TTLL7: variants seen among roughly 807,000 people sequenced by gnomAD.
The protein encoded by TTLL7 is tubulin tyrosine ligase like 7, also known as tubulin polyglutamylase TTLL7.
A neutral mutation model predicts 120.2 loss-of-function variants in TTLL7; 53 were observed. The ratio of observed to expected loss-of-function variants is 0.44; its 90% CI spans 0.35 to 0.55. TTLL7 has a LOEUF of 0.55. Ranked by LOEUF, TTLL7 falls within the 20% of genes least tolerant of loss-of-function variation. The pLI is 0.00. For missense variants in TTLL7, 803 were observed against 1,054.7 expected (o/e 0.76, Z 3.31); for synonymous variants, 353 against 351.7 (o/e 1.00, Z -0.04).
intron 9 of TTLL7, among the ~76,000 whole-genome samples, chr1:83,932,444 C>T (rs959215686): frequency 6.6e-6 from 1 of 152,100 alleles, no homozygotes; most frequent in Non-Finnish European, 1.5e-5. Context: ...AACTTCCTCA[C>T]ATTTATCTTA....
At chr1:83,879,523 G>T (rs897680460) in intron 20 of TTLL7, among the ~76,000 whole-genome samples, 3 of 151,960 alleles carry the variant, frequency 2.0e-5, no homozygotes, top group African/African-American at 7.2e-5. Flanking sequence ...GACATGGAAG[G>T]TTTGTGTTGA....
chr1:83,949,770 T>C (rs993502132), intron 4 of TTLL7, 95 bp downstream of exon 4: 7 of 1,404,818 alleles, frequency 5.0e-6, no homozygotes, highest in African/African-American at 4.3e-5. Flanking sequence ...AGCTGAAATG[T>C]AATAAGGCAA....
chr1:83,989,290 G>C (rs1652765670), intron 1 of TTLL7, among the ~76,000 whole-genome samples: 1 of 152,006 alleles, frequency 6.6e-6, no homozygotes, highest in Admixed American at 6.6e-5. Flanking sequence ...TTTTCTTATA[G>C]GATTTTTATA....
intron 3 of TTLL7, among the ~76,000 whole-genome samples, chr1:83,950,187 G>A (rs1267417292): frequency 6.6e-6 from 1 of 152,032 alleles, no homozygotes; most frequent in African/African-American, 2.4e-5. Flanking sequence ...TTTTTCGGTT[G>A]CACCCAAAAA....
At chr1:83,908,896 A>G (rs1281440118) in intron 15 of TTLL7, among the ~76,000 whole-genome samples, 2 of 152,060 alleles carry the variant, frequency 1.3e-5, no homozygotes, top group African/African-American at 2.4e-5. Flanking sequence ...GGAGAGTACA[A>G]AAAGGTATAC....
Position 83,948,620 on chromosome 1 carries a change from A to G in TTLL7, c.347+8T>C. ...AGGTCTTCTCCATTACAAGAAAATA[A>G]AGATTACTTGGTCATATTTCTTGCT... On this transcript the variant is annotated splice_region_variant and intron_variant, in intron 5 of 20. Coordinates refer to ENST00000260505, the MANE Select transcript of TTLL7 (RefSeq NM_024686.6). The G allele has an allele frequency of 6.3e-7, 1 of 1,593,366 alleles. No individual in the cohort carries two copies. The highest frequency in any genetic ancestry group is 8.6e-7 in the Non-Finnish European group (1 of 1,162,200).
Position 83,942,695 on chromosome 1 carries a change from A to C in TTLL7, c.507-16T>G, listed in dbSNP as rs1372183576. ...CAAAGAAATCCTATGTTTAAAGAAA[A>C]AAATTAAAAGAATGATTTGACATAG... On this transcript the variant is annotated splice_polypyrimidine_tract_variant and intron_variant, in intron 6 of 20. Transcript: ENST00000260505. 20 of 1,574,192 alleles carry C rather than the reference A, an allele frequency of 1.3e-5. No homozygotes were observed. Among genetic ancestry groups the C allele is most frequent in the Non-Finnish European group, 1.6e-5 (18 of 1,152,496 alleles).
intron 1 of TTLL7, among the ~76,000 whole-genome samples, chr1:83,991,219 C>A (rs1031142943): frequency 6.6e-6 from 1 of 152,012 alleles, no homozygotes; most frequent in African/African-American, 2.4e-5. Context: ...GGGTGAAAAG[C>A]AGAGTTGTTT....
intron 19 of TTLL7, chr1:83,887,384 G>A (rs1655054669): frequency 3.1e-6 from 1 of 317,702 alleles, no homozygotes; most frequent in Non-Finnish European, 5.9e-6. Context: ...AAAGGTTAAA[G>A]GAGTATACAT....
intron 1 of TTLL7, among the ~76,000 whole-genome samples, chr1:83,994,985 T>C (rs910493615): frequency 6.6e-6 from 1 of 152,190 alleles, no homozygotes; most frequent in Non-Finnish European, 1.5e-5. Flanking sequence ...AACCAGAAAG[T>C]AGTCTATCAC....
intron 19 of TTLL7, among the ~76,000 whole-genome samples, chr1:83,887,589 G>T (rs577123946): frequency 6.6e-6 from 1 of 152,034 alleles, no homozygotes; most frequent in Non-Finnish European, 1.5e-5. Context: ...AGTCAAATCG[G>T]TCTCAAAACT....
chr1:83,975,569 G>T (rs537284957), intron 1 of TTLL7, among the ~76,000 whole-genome samples: 26 of 152,192 alleles, frequency 1.7e-4, no homozygotes, highest in Non-Finnish European at 2.9e-4. Flanking sequence ...TGAGAAAACT[G>T]AGACTCAAAG....
chr1:83,959,607 C>T (rs1232410149), intron 1 of TTLL7, among the ~76,000 whole-genome samples: 1 of 152,054 alleles, frequency 6.6e-6, no homozygotes, highest in Non-Finnish European at 1.5e-5. Flanking sequence ...AACCAGCTAC[C>T]GATGCTCACT....
chr1:83,870,164 C>G, intron 20 of TTLL7, 82 bp from the exon 21 acceptor site: 1 of 1,292,170 alleles, frequency 7.7e-7, no homozygotes. Flanking sequence ...TAGCAATTTA[C>G]GTAGTCTATA....
At chr1:83,981,618 A>C (rs1238102697) in intron 1 of TTLL7, 1 of 152,342 alleles carries the variant, frequency 6.6e-6, no homozygotes, top group African/African-American at 2.4e-5. Flanking sequence ...TCATGAGGTC[A>C]GGAGATCGAG....
At chr1:83,958,139 C>A (rs1240018652) in intron 1 of TTLL7, among the ~76,000 whole-genome samples, 2 of 152,100 alleles carry the variant, frequency 1.3e-5, no homozygotes, top group Admixed American at 1.3e-4. Flanking sequence ...ATGTGCCAGG[C>A]ACTTTTTGAG....
intron 1 of TTLL7, among the ~76,000 whole-genome samples, chr1:83,992,550 T>A (rs558087670): frequency 6.6e-6 from 1 of 152,274 alleles, no homozygotes; most frequent in African/African-American, 2.4e-5. Flanking sequence ...AACAGGCAGC[T>A]ATAGACCAAT....
intron 18 of TTLL7, among the ~76,000 whole-genome samples, chr1:83,896,586 G>A (rs111527270): frequency 1.3e-5 from 2 of 152,038 alleles, no homozygotes; most frequent in Non-Finnish European, 2.9e-5. Flanking sequence ...GATGCAAAAC[G>A]AACAGCTCTG....
chr1:83,921,479 A>G, intron 10 of TTLL7, 85 bp from the exon 11 acceptor site: 1 of 1,432,032 alleles, frequency 7.0e-7, no homozygotes. Context: ...AGAACAGGAG[A>G]CATAGTGAAG....
Sources: allele counts gnomAD v4.1 joint callset (sites outside exome capture counted in the v4.1 genomes callset), GRCh38; gene constraint gnomAD v4.1.1; transcripts MANE v1.5; gene names NCBI Gene and HGNC (gene_info 2026-07-23, HGNC 2026-07-21).